SNX29: variants seen among roughly 807,000 people sequenced by gnomAD.
SNX29 encodes sorting nexin-29.
A neutral mutation model predicts 102.1 loss-of-function variants in SNX29; 78 were observed. That is an observed-to-expected ratio of 0.76 (90% confidence interval 0.64 to 0.92). The LOEUF (loss-of-function observed/expected upper bound fraction) is 0.92, where lower values mean the gene tolerates loss of function less well. Ranked by LOEUF, SNX29 falls within the 40% of genes least tolerant of loss-of-function variation. The probability of loss-of-function intolerance (pLI) is 0.00; values close to 1 mark genes in which losing one functional copy is unlikely to be tolerated. For missense variants in SNX29, 1,280 were observed against 1,061.7 expected (o/e 1.21, Z -2.86); for synonymous variants, 580 against 414.5 (o/e 1.40, Z -4.85).
chr16:12,476,768 G>A (rs561579348), intron 18 of SNX29, among the ~76,000 whole-genome samples: 5 of 151,992 alleles, frequency 3.3e-5, no homozygotes, highest in Admixed American at 1.3e-4. Flanking sequence ...TTCTATGGTC[G>A]CCATACTAGA....
intron 10 of SNX29, among the ~76,000 whole-genome samples, chr16:12,076,949 C>T (rs1339460903): frequency 1.3e-5 from 2 of 152,152 alleles, no homozygotes; most frequent in East Asian, 1.9e-4. Context: ...CCAGACCCTT[C>T]CAGGGGGTGG....
chr16:12,528,877 C>T (rs911766774), intron 20 of SNX29, among the ~76,000 whole-genome samples: 5 of 152,204 alleles, frequency 3.3e-5, no homozygotes, highest in African/African-American at 7.2e-5. Context: ...AGAAGGTGGG[C>T]AGGAAAGATA....
chr16:12,518,031 AG>A (rs1441004179), intron 19 of SNX29, among the ~76,000 whole-genome samples: 1 of 152,056 alleles, frequency 6.6e-6, no homozygotes. Flanking sequence ...ACGTGAAGAG[AG>A]GTTAGCAAGG....
intron 19 of SNX29, among the ~76,000 whole-genome samples, chr16:12,500,014 T>C (rs912258023): frequency 2.0e-5 from 3 of 151,970 alleles, no homozygotes; most frequent in Non-Finnish European, 4.4e-5. Flanking sequence ...TTTTTACAGA[T>C]AGGATCTTGC....
intron 11 of SNX29, among the ~76,000 whole-genome samples, chr16:12,089,603 G>A (rs377458508): frequency 6.6e-6 from 1 of 152,216 alleles, no homozygotes; most frequent in Non-Finnish European, 1.5e-5. Context: ...AGGATGGGGG[G>A]TTTGGCCTGT....
At chr16:12,566,851 T>TA (rs1413334883) in intron 20 of SNX29, among the ~76,000 whole-genome samples, 2 of 152,238 alleles carry the variant, frequency 1.3e-5, no homozygotes, top group Non-Finnish European at 2.9e-5. Flanking sequence ...ATGTTTCTTT[T>TA]TCATCCATGC....
intron 20 of SNX29, among the ~76,000 whole-genome samples, chr16:12,531,428 G>A (rs1051426668): frequency 1.3e-5 from 2 of 152,226 alleles, no homozygotes; most frequent in Admixed American, 6.5e-5. Context: ...CAGAAGGCAG[G>A]GAGGGCCTGA....
chr16:12,433,492 G>A (rs111878157), intron 18 of SNX29, among the ~76,000 whole-genome samples: 1,609 of 152,114 alleles, frequency 0.011, 39 homozygotes, highest in African/African-American at 0.036. Flanking sequence ...TTAGCCTGGC[G>A]TGGTGGCATA....
Position 12,572,989 on chromosome 16 carries a change from C to A in SNX29, c.*4360C>A, listed in dbSNP as rs549567556. On this transcript the variant is annotated 3_prime_UTR_variant, in exon 21 of 21. Coordinates refer to ENST00000566228, the MANE Select transcript of SNX29 (RefSeq NM_032167.5). ...TTTTTCAAAATATTGTGCATTAATTCATTAAAGCTACTGTTAAATATTTGC... is the reference window on the plus strand; with the variant it reads ...TTTTTCAAAATATTGTGCATTAATTAATTAAAGCTACTGTTAAATATTTGC... The A allele has an allele frequency of 1.6e-5, 6 of 374,802 alleles. No homozygotes were observed. The highest frequency in any genetic ancestry group is 2.0e-5 in the Non-Finnish European group (5 of 248,746). 23.2% of individuals were successfully genotyped at this position (374,802 alleles called of 1,614,324 possible). A position where few individuals can be genotyped will look rare whatever the true frequency, so the allele number is the denominator to read the frequency against.
intron 14 of SNX29, among the ~76,000 whole-genome samples, chr16:12,239,940 A>G (rs1467754708): frequency 6.6e-6 from 1 of 151,928 alleles, no homozygotes; most frequent in East Asian, 1.9e-4. Context: ...ACTATTGAAG[A>G]GATTTGAAGT....
chr16:12,427,546 G>T (rs1415407950), intron 18 of SNX29, among the ~76,000 whole-genome samples: 1 of 151,966 alleles, frequency 6.6e-6, no homozygotes, highest in Non-Finnish European at 1.5e-5. Context: ...AATACTTTAG[G>T]TATAGGAATT....
At chr16:12,483,240 C>T (rs1567610425) in intron 19 of SNX29, among the ~76,000 whole-genome samples, 1 of 146,368 alleles carries the variant, frequency 6.8e-6, no homozygotes, top group Non-Finnish European at 1.5e-5. Context: ...AACTCATGAC[C>T]TCAGGTGATC....
At chr16:12,428,229 G>A (rs900017018) in intron 18 of SNX29, among the ~76,000 whole-genome samples, 1 of 152,034 alleles carries the variant, frequency 6.6e-6, no homozygotes, top group Non-Finnish European at 1.5e-5. Flanking sequence ...AGCTGCATTT[G>A]GACTGCAAAT....
At chr16:12,432,356 C>A (rs944492587) in intron 18 of SNX29, among the ~76,000 whole-genome samples, 11 of 152,132 alleles carry the variant, frequency 7.2e-5, no homozygotes, top group Admixed American at 3.3e-4. Context: ...TTTTTGGGGT[C>A]CAGGCTGTCA....
chr16:12,461,726 G>A (rs1260661266), intron 18 of SNX29, among the ~76,000 whole-genome samples: 2 of 151,726 alleles, frequency 1.3e-5, no homozygotes, highest in Middle Eastern at 3.4e-3. Context: ...GGAGGCTAAG[G>A]CGAGCAGATC....
chr16:12,564,326 C>T (rs1382584993), intron 20 of SNX29, among the ~76,000 whole-genome samples: 1 of 152,204 alleles, frequency 6.6e-6, no homozygotes, highest in Non-Finnish European at 1.5e-5. Context: ...GTGTCTCTTA[C>T]CTTATTTCAG....
intron 20 of SNX29, among the ~76,000 whole-genome samples, chr16:12,533,685 T>C (rs2076992468): frequency 6.6e-6 from 1 of 152,146 alleles, no homozygotes; most frequent in South Asian, 2.1e-4. Flanking sequence ...CAAATTTACC[T>C]CTGTCGACTG....
chr16:12,508,367 C>T (rs751863201), intron 19 of SNX29, among the ~76,000 whole-genome samples: 1 of 152,228 alleles, frequency 6.6e-6, no homozygotes, highest in Non-Finnish European at 1.5e-5. Flanking sequence ...AGTAGCACAG[C>T]TCGATGAACT....
At chr16:12,401,350 T>C (rs1011779138) in intron 17 of SNX29, among the ~76,000 whole-genome samples, 1 of 148,642 alleles carries the variant, frequency 6.7e-6, no homozygotes, top group African/African-American at 2.5e-5. Context: ...TTGACCACAA[T>C]AGAGTTAAAT....
Sources: allele counts gnomAD v4.1 joint callset (sites outside exome capture counted in the v4.1 genomes callset), GRCh38; gene constraint gnomAD v4.1.1; transcripts MANE v1.5; gene names NCBI Gene and HGNC (gene_info 2026-07-23, HGNC 2026-07-21).